Variants in ELP3 observed in about 807,000 individuals in gnomAD.
ELP3 encodes elongator acetyltransferase complex subunit 3.
A neutral mutation model predicts 74.9 loss-of-function variants in ELP3; 56 were observed. The ratio of observed to expected loss-of-function variants is 0.75; its 90% CI spans 0.60 to 0.93. The LOEUF (loss-of-function observed/expected upper bound fraction) is 0.93. ELP3 is among the 40% of genes least tolerant of loss of function. The pLI, the probability that ELP3 is intolerant of heterozygous loss-of-function variation, is 0.00. For synonymous variants in ELP3, 222 were observed against 239.8 expected (o/e 0.93, Z 0.68); for missense variants, 573 against 686.5 (o/e 0.83, Z 1.85).
At chr8:28,119,459 A>T (rs1318907240) in intron 7 of ELP3, among the ~76,000 whole-genome samples, 2 of 151,116 alleles carry the variant, frequency 1.3e-5, no homozygotes, top group African/African-American at 4.9e-5. Context: ...TGTATGCTTC[A>T]GTACACTTCT....
intron 2 of ELP3, among the ~76,000 whole-genome samples, chr8:28,099,139 G>A (rs1376338003): frequency 6.6e-6 from 1 of 152,218 alleles, no homozygotes; most frequent in Non-Finnish European, 1.5e-5. Flanking sequence ...TTTCTAGATG[G>A]ATTAAAGTTA....
In ELP3 at chr8:28,097,204, A is replaced by G. The variant is rs780715744; in HGVS notation, c.20-15A>G. On this transcript the variant is annotated splice_polypyrimidine_tract_variant and intron_variant, in intron 1 of 14. Coordinates refer to ENST00000256398, the MANE Select transcript of ELP3 (RefSeq NM_018091.6). ...ATGATACGATTTTTGACATTGTTGA[A>G]TATTAACTTTCCAGGAGATCTCAGC... 5 of 1,558,090 alleles carry G rather than the reference A, an allele frequency of 3.2e-6. No homozygotes were observed. The highest frequency in any genetic ancestry group is 3.5e-6 in the Non-Finnish European group (4 of 1,142,332).
At chr8:28,142,578 C>A (rs10046787) in intron 10 of ELP3, among the ~76,000 whole-genome samples, 4,257 of 152,236 alleles carry the variant, frequency 0.028, 204 homozygotes, top group African/African-American at 0.094. Context: ...TTAGTAATGT[C>A]CTCGATGAGT....
chr8:28,140,114 TTGTGTGTG>T (rs56981709), intron 10 of ELP3, among the ~76,000 whole-genome samples: 3,818 of 143,572 alleles, frequency 0.027, 78 homozygotes, highest in African/African-American at 0.048. Flanking sequence ...TGTACATATT[TTGTGTGTG>T]TGTGTGTGTG....
At chr8:28,134,692 A>G (rs969508508) in intron 9 of ELP3, among the ~76,000 whole-genome samples, 6 of 152,380 alleles carry the variant, frequency 3.9e-5, no homozygotes, top group African/African-American at 1.4e-4. Context: ...AGCGAAATTT[A>G]AAACTACATT....
chr8:28,121,317 TA>T lies in ELP3; in HGVS notation c.617+8145del, dbSNP rs1400130022. 9.4e-5 allele frequency among the ~76,000 whole-genome samples: 14 copies of T among 149,494 alleles called. No homozygotes were observed. The East Asian group carries it at 1.2e-3, about 12-fold the overall frequency. On this transcript the variant is annotated intron_variant, in intron 7 of 14. Coordinates refer to ENST00000256398, the MANE Select transcript of ELP3 (RefSeq NM_018091.6). ...TTTCATTTTTAAATTTTATTATTAT[TA>T]TTATTATTTTTTTTTTTTTGAATCG... is the stretch of plus-strand genomic sequence containing the variant.
At chr8:28,142,571 G>T (rs1267205934) in intron 10 of ELP3, among the ~76,000 whole-genome samples, 1 of 152,184 alleles carries the variant, frequency 6.6e-6, no homozygotes, top group Admixed American at 6.5e-5. Flanking sequence ...TGTGGAATTA[G>T]TAATGTCCTC....
chr8:28,153,021 T>G (rs1204351348), intron 10 of ELP3, among the ~76,000 whole-genome samples: 1 of 152,234 alleles, frequency 6.6e-6, no homozygotes, highest in Non-Finnish European at 1.5e-5. Flanking sequence ...CATAAATGAT[T>G]TTTAATGTGT....
At chr8:28,149,555 C>T (rs904717136) in intron 10 of ELP3, among the ~76,000 whole-genome samples, 3 of 152,136 alleles carry the variant, frequency 2.0e-5, no homozygotes, top group Admixed American at 2.0e-4. Flanking sequence ...TAAGCGTTTC[C>T]ATCCTCTCCT....
chr8:28,119,457 T>G (rs937636648), intron 7 of ELP3, among the ~76,000 whole-genome samples: 1 of 151,292 alleles, frequency 6.6e-6, no homozygotes, highest in African/African-American at 2.4e-5. Flanking sequence ...GTTGTATGCT[T>G]CAGTACACTT....
At chr8:28,168,445 AT>A (rs1554504756) in intron 14 of ELP3, among the ~76,000 whole-genome samples, 2 of 152,200 alleles carry the variant, frequency 1.3e-5, no homozygotes, top group Non-Finnish European at 2.9e-5. Context: ...ACAACAGCAC[AT>A]TTGTAGACTT....
At chr8:28,120,179 TCTA>T (rs1563257713) in intron 7 of ELP3, among the ~76,000 whole-genome samples, 1 of 152,244 alleles carries the variant, frequency 6.6e-6, no homozygotes, top group African/African-American at 2.4e-5. Context: ...CCAAAATGGC[TCTA>T]CTATTTGTAC....
chr8:28,125,637 G>A (rs538534426), intron 7 of ELP3, among the ~76,000 whole-genome samples: 1 of 152,056 alleles, frequency 6.6e-6, no homozygotes, highest in African/African-American at 2.4e-5. Flanking sequence ...AGTAATAATA[G>A]ATAGTGCTTC....
intron 10 of ELP3, among the ~76,000 whole-genome samples, chr8:28,139,852 G>A (rs1164662060): frequency 1.3e-5 from 2 of 152,194 alleles, no homozygotes; most frequent in Non-Finnish European, 2.9e-5. Context: ...GGCTGAGGCA[G>A]GAGAATCACT....
chr8:28,176,475 G>A (rs1028048923), intron 14 of ELP3, among the ~76,000 whole-genome samples: 1 of 152,114 alleles, frequency 6.6e-6, no homozygotes, highest in Non-Finnish European at 1.5e-5. Flanking sequence ...CTGTGGCTAC[G>A]GTGGAGCTAA....
At chr8:28,100,209 A>G (rs528821725) in intron 3 of ELP3, among the ~76,000 whole-genome samples, 1 of 152,386 alleles carries the variant, frequency 6.6e-6, no homozygotes, top group African/African-American at 2.4e-5. Context: ...ATATAGATTT[A>G]GGCTTGGTGA....
intron 10 of ELP3, among the ~76,000 whole-genome samples, chr8:28,150,781 A>C (rs1170723954): frequency 6.6e-6 from 1 of 152,080 alleles, no homozygotes; most frequent in African/African-American, 2.4e-5. Context: ...GGAATTTCTC[A>C]GTCACTTGTT....
intron 14 of ELP3, among the ~76,000 whole-genome samples, chr8:28,166,184 G>T (rs1431700037): frequency 6.6e-6 from 1 of 152,154 alleles, no homozygotes. Flanking sequence ...ACCCTGCCCT[G>T]CGTGAACGTT....
intron 10 of ELP3, among the ~76,000 whole-genome samples, chr8:28,150,139 A>G (rs1251993404): frequency 6.6e-6 from 1 of 152,228 alleles, no homozygotes; most frequent in African/African-American, 2.4e-5. Flanking sequence ...TCACTTAAAT[A>G]CATGCATAAG....
Sources: gnomAD v4.1 joint callset for allele counts (sites outside exome capture counted in the v4.1 genomes callset) on GRCh38, gnomAD v4.1.1 for gene constraint, MANE v1.5 for transcripts, NCBI Gene and HGNC (gene_info 2026-07-23, HGNC 2026-07-21) for gene names.